The following CACNA2D1 variants were observed in gnomAD, a reference collection of about 807,000 sequenced individuals.
CACNA2D1 encodes calcium voltage-gated channel auxiliary subunit alpha2delta 1, also known as voltage-dependent calcium channel subunit alpha-2/delta-1.
CACNA2D1 carries 53 observed loss-of-function variants against 171.5 expected under a neutral mutation model. That is an observed-to-expected ratio of 0.31 (90% CI 0.25 to 0.39). The LOEUF is 0.39. CACNA2D1 is among the 10% of genes least tolerant of loss of function. The probability of loss-of-function intolerance (pLI) is 1.00; values close to 1 mark genes in which losing one functional copy is unlikely to be tolerated. For missense variants in CACNA2D1, 903 were observed against 1,299.8 expected (o/e 0.69, Z 4.69); for synonymous variants, 442 against 443.1 (o/e 1.00, Z 0.03).
chr7:82,181,040 GAT>G (rs1797074954), intron 3 of CACNA2D1, among the ~76,000 whole-genome samples: 1 of 45,978 alleles, frequency 2.2e-5, no homozygotes, highest in East Asian at 5.9e-4. Flanking sequence ...GGGCATGTCG[GAT>G]TTTTTTTTTT....
chr7:81,987,927 A>G (rs781057790), intron 21 of CACNA2D1, among the ~76,000 whole-genome samples: 5 of 152,162 alleles, frequency 3.3e-5, no homozygotes, highest in Non-Finnish European at 7.3e-5. Context: ...GAAGGAGACA[A>G]AAGTTTTGTC....
intron 3 of CACNA2D1, among the ~76,000 whole-genome samples, chr7:82,287,627 C>G (rs6956583): frequency 6.6e-6 from 1 of 152,052 alleles, no homozygotes; most frequent in Non-Finnish European, 1.5e-5. Flanking sequence ...TTATGATGCA[C>G]TTTCTACTTT....
intron 1 of CACNA2D1, among the ~76,000 whole-genome samples, chr7:82,439,197 T>C (rs1830315421): frequency 6.6e-6 from 1 of 152,126 alleles, no homozygotes; most frequent in Non-Finnish European, 1.5e-5. Context: ...TAGTTTGTTA[T>C]GAGCACTATT....
intron 1 of CACNA2D1, among the ~76,000 whole-genome samples, chr7:82,384,868 T>C (rs1029049859): frequency 3.7e-4 from 57 of 152,350 alleles, no homozygotes; most frequent in African/African-American, 1.3e-3. Context: ...TCTTTTTTAC[T>C]GAATGTTGAT....
intron 3 of CACNA2D1, among the ~76,000 whole-genome samples, chr7:82,183,339 C>G (rs1396015354): frequency 6.6e-6 from 1 of 152,052 alleles, no homozygotes; most frequent in Non-Finnish European, 1.5e-5. Context: ...TGGGCAGATA[C>G]TACACATAAA....
At chr7:82,390,351 T>C (rs561623490) in intron 1 of CACNA2D1, among the ~76,000 whole-genome samples, 1 of 152,226 alleles carries the variant, frequency 6.6e-6, no homozygotes, top group African/African-American at 2.4e-5. Flanking sequence ...ACCCAAGCAA[T>C]ATGTATAATT....
At chr7:82,112,928 T>C (rs1307723274) in intron 6 of CACNA2D1, among the ~76,000 whole-genome samples, 3 of 152,172 alleles carry the variant, frequency 2.0e-5, no homozygotes, top group Non-Finnish European at 4.4e-5. Flanking sequence ...ATTATTAGCT[T>C]AAATTACAAA....
At chr7:82,043,254 A>C (rs1461725661) in intron 10 of CACNA2D1, among the ~76,000 whole-genome samples, 1 of 152,204 alleles carries the variant, frequency 6.6e-6, no homozygotes, top group East Asian at 1.9e-4. Flanking sequence ...ACTCTGTCCA[A>C]ATAGACATTA....
chr7:82,337,382 A>G (rs536671594), intron 2 of CACNA2D1, among the ~76,000 whole-genome samples: 1 of 152,276 alleles, frequency 6.6e-6, no homozygotes, highest in Non-Finnish European at 1.5e-5. Context: ...CATGACAGCT[A>G]TTGCAAAGCT....
intron 11 of CACNA2D1, among the ~76,000 whole-genome samples, chr7:82,036,218 A>T (rs1458357436): frequency 6.6e-6 from 1 of 152,022 alleles, no homozygotes; most frequent in Admixed American, 6.6e-5. Flanking sequence ...CTATTCCCAC[A>T]CCAGCATCTC....
rs568368629 is a variant in CACNA2D1, at chr7:81,986,372, A to T, written c.1797-1661T>A. Among the ~76,000 whole-genome samples, 388 of 150,836 alleles carry T rather than the reference A, an allele frequency of 2.6e-3. 1 individual carries two copies. The highest frequency in any genetic ancestry group is 0.01 in the Middle Eastern group (3 of 294). On this transcript the variant is annotated intron_variant, in intron 21 of 38. Coordinates refer to ENST00000356860, the MANE Select transcript of CACNA2D1 (RefSeq NM_000722.4). ...TGTAGATCCTTTAATTAATTAATTA[A>T]TTTTTAATAATTTCAACTTTTAGAT...
chr7:82,293,447 A>G (rs1811904761), intron 3 of CACNA2D1, among the ~76,000 whole-genome samples: 1 of 152,210 alleles, frequency 6.6e-6, no homozygotes, highest in Non-Finnish European at 1.5e-5. Context: ...CTAACAGGTA[A>G]GTAGGGTGTT....
At chr7:82,193,203 T>C (rs1798516428) in intron 3 of CACNA2D1, among the ~76,000 whole-genome samples, 1 of 151,990 alleles carries the variant, frequency 6.6e-6, no homozygotes, top group Non-Finnish European at 1.5e-5. Flanking sequence ...ACAGGTACGA[T>C]AAATAATTAA....
At chr7:82,278,102 TC>T (rs1809593444) in intron 3 of CACNA2D1, among the ~76,000 whole-genome samples, 1 of 152,156 alleles carries the variant, frequency 6.6e-6, no homozygotes, top group African/African-American at 2.4e-5. Flanking sequence ...GGCTCCTCTC[TC>T]CTTTAACATG....
chr7:82,328,825 A>C (rs1422940065), intron 3 of CACNA2D1, among the ~76,000 whole-genome samples: 2 of 152,184 alleles, frequency 1.3e-5, no homozygotes, highest in Admixed American at 6.5e-5. Context: ...ATAACTCCTT[A>C]ACACTACAGT....
chr7:82,085,535 A>G (rs73151545), intron 6 of CACNA2D1, among the ~76,000 whole-genome samples: 82 of 142,572 alleles, frequency 5.8e-4, no homozygotes, highest in East Asian at 7.6e-4. Context: ...AAAAAAAAAA[A>G]GAAAAAAAGT....
intron 3 of CACNA2D1, among the ~76,000 whole-genome samples, chr7:82,173,945 A>G (rs1430378555): frequency 6.9e-6 from 1 of 145,386 alleles, no homozygotes; most frequent in Non-Finnish European, 1.5e-5. Context: ...CAGGGGGCTG[A>G]GGCAGGAGGG....
intron 3 of CACNA2D1, among the ~76,000 whole-genome samples, chr7:82,221,977 T>C (rs181145284): frequency 3.9e-5 from 6 of 152,194 alleles, no homozygotes; most frequent in Non-Finnish European, 7.4e-5. Flanking sequence ...AGCTTCCTTT[T>C]AATCTATATA....
chr7:81,959,624 T>C (rs542286083), intron 37 of CACNA2D1, 96 bp downstream of exon 37: 20 of 1,321,958 alleles, frequency 1.5e-5, no homozygotes, highest in Admixed American at 1.2e-4. Flanking sequence ...CAGAGCAGTC[T>C]AATAGTTTTC....
Sources: gnomAD v4.1 joint callset for allele counts (sites outside exome capture counted in the v4.1 genomes callset) on GRCh38, gnomAD v4.1.1 for gene constraint, MANE v1.5 for transcripts, NCBI Gene and HGNC (gene_info 2026-07-23, HGNC 2026-07-21) for gene names.